SCN11A: variants seen among roughly 807,000 people sequenced by gnomAD.
SCN11A encodes the protein sodium voltage-gated channel alpha subunit 11, also known as sodium channel protein type 11 subunit alpha.
SCN11A carries 122 observed loss-of-function variants against 162.2 expected under a neutral mutation model. That is an observed-to-expected ratio of 0.75 (90% CI 0.65 to 0.87). The LOEUF is 0.87. Among genes scored for constraint, SCN11A ranks in the 40% least tolerant of loss-of-function variants. SCN11A has a pLI of 0.00. For missense variants in SCN11A, 2,015 were observed against 2,181.6 expected (o/e 0.92, Z 1.52); for synonymous variants, 758 against 751.5 (o/e 1.01, Z -0.14).
At chr3:39,000,901 G>A (rs532222359) in intron 2 of SCN11A, among the ~76,000 whole-genome samples, 2 of 152,200 alleles carry the variant, frequency 1.3e-5, no homozygotes, top group East Asian at 3.9e-4. Context: ...GCTGGGCATG[G>A]TGGTGTGCGC....
At chr3:38,889,060 T>C (rs1008539574) in intron 19 of SCN11A, among the ~76,000 whole-genome samples, 1 of 152,106 alleles carries the variant, frequency 6.6e-6, no homozygotes, top group African/African-American at 2.4e-5. Context: ...GAAAGGCACA[T>C]CAATGATATC....
chr3:38,930,785 C>A (rs932165970), intron 7 of SCN11A, among the ~76,000 whole-genome samples: 1 of 152,140 alleles, frequency 6.6e-6, no homozygotes, highest in African/African-American at 2.4e-5. Flanking sequence ...TTTTTAACAG[C>A]CTCCTCCCAC....
intron 4 of SCN11A, 109 bp from the exon 5 acceptor site, chr3:38,950,478 AAAGCTG>A: frequency 8.6e-7 from 1 of 1,164,020 alleles, no homozygotes; most frequent in Non-Finnish European, 1.2e-6. Flanking sequence ...AGGATCTACA[AAAGCTG>A]AGCTGAGGTC....
chr3:38,847,356 C>T lies in SCN11A; in HGVS notation c.4714G>A (p.Glu1572Lys). The T allele has an allele frequency of 6.2e-7, 1 of 1,614,140 alleles. No individual in the cohort carries two copies. ...GCTATGCCAGGGAGGTGGCAGTTTT[C>T]TGAGGAAGAGTTACATGATTCTTTT... The part of the protein sequence containing the change: ...RSKESCNSSS[E>K]NCHLPGIATS... Residue 1572 changes from glutamate (E) to lysine (K), a missense_variant, in exon 30 of 30, where the codon GAA becomes AAA. Transcript: ENST00000302328.
At chr3:38,880,365 T>A (rs2065289415) in intron 22 of SCN11A, among the ~76,000 whole-genome samples, 1 of 152,190 alleles carries the variant, frequency 6.6e-6, no homozygotes, top group South Asian at 2.1e-4. Context: ...AACTGCTTAT[T>A]ACTGGTCCCC....
At position 38,847,358 on chromosome 3, in the gene SCN11A, G is replaced by A. The variant is rs2126076204; in HGVS notation, c.4712C>T (p.Ser1571Leu). 2 of 1,614,186 alleles carry A rather than the reference G, an allele frequency of 1.2e-6. No homozygotes were observed. Among genetic ancestry groups the A allele is most frequent in the African/African-American group, 1.3e-5 (1 of 75,070 alleles). ...TATGCCAGGGAGGTGGCAGTTTTCT[G>A]AGGAAGAGTTACATGATTCTTTTGA... ...LRSKESCNSS[S>L]ENCHLPGIAT... is the part of the protein sequence containing the mutation. Residue 1571 changes from serine (S) to leucine (L), a missense_variant, in exon 30 of 30, where the codon TCA (serine) becomes TTA (leucine). Coordinates refer to ENST00000302328, the MANE Select transcript of SCN11A (RefSeq NM_001349253.2).
chr3:39,004,281 T>G (rs1354919571), intron 2 of SCN11A, among the ~76,000 whole-genome samples: 1 of 152,190 alleles, frequency 6.6e-6, no homozygotes, highest in Non-Finnish European at 1.5e-5. Flanking sequence ...ATAGGGAGTC[T>G]TTCTCTCAAT....
intron 28 of SCN11A, among the ~76,000 whole-genome samples, chr3:38,858,029 C>CCAAAA (rs566419027): frequency 3.3e-5 from 5 of 151,916 alleles, no homozygotes; most frequent in Admixed American, 6.6e-5. Flanking sequence ...TTGAAATACA[C>CCAAAA]CAAAACAAAA....
In SCN11A at chr3:38,987,303, T is replaced by TCACACACACA. The variant is rs57092499; in HGVS notation, c.-279-26890_-279-26881dup. Reference sequence around the variant, plus strand: ...TTCTCTCTCTCTCTCTCTCTCTCTCTCACACACACACACACACACACACAC... The same window carrying TCACACACACA: ...TTCTCTCTCTCTCTCTCTCTCTCTCTCACACACACACACACACACACACACACACACACAC... On this transcript the variant is annotated intron_variant, in intron 2 of 29. Transcript: ENST00000302328. Among the ~76,000 whole-genome samples, 269 of 104,468 alleles carry TCACACACACA rather than the reference T, an allele frequency of 2.6e-3. 1 individual carries two copies. Among genetic ancestry groups the TCACACACACA allele is most frequent in the Non-Finnish European group, 2.9e-3 (149 of 50,942 alleles). The allele number at this position is 104,468 out of a possible 152,430, so 68.5% of individuals were successfully genotyped here.
chr3:38,980,245 AT>A (rs201978613), intron 2 of SCN11A, among the ~76,000 whole-genome samples: 5 of 152,044 alleles, frequency 3.3e-5, no homozygotes, highest in South Asian at 2.1e-4. Context: ...AAAAAAAAAA[AT>A]ACCAACTCAC....
At chr3:38,967,713 A>G (rs937604790) in intron 2 of SCN11A, among the ~76,000 whole-genome samples, 2 of 152,200 alleles carry the variant, frequency 1.3e-5, no homozygotes, top group African/African-American at 2.4e-5. Context: ...TGTGGCAGGG[A>G]ATACACAAGC....
rs2065571530 is a variant in SCN11A at position 38,894,959 on chromosome 3, G to T, written c.2409C>A (p.Leu803=). 1 of 1,600,358 alleles carries T rather than the reference G, an allele frequency of 6.2e-7. No individual in the cohort carries two copies. Among genetic ancestry groups the T allele is most frequent in the African/African-American group, 1.3e-5 (1 of 74,396 alleles). ...TGAGCAGTAAGGCAATGAAGAGGTT[G>T]AGCACCTGGGAATGGGGTGGGTAGC... The part of the protein sequence containing the change: ...LITVIGKLVV[L]NLFIALLLNS... Residue 803 remains leucine, a synonymous_variant, in exon 19 of 30, where the codon CTC becomes CTA. Coordinates refer to ENST00000302328, the MANE Select transcript of SCN11A (RefSeq NM_001349253.2).
intron 7 of SCN11A, among the ~76,000 whole-genome samples, chr3:38,942,118 C>T (rs977226922): frequency 1.3e-5 from 2 of 151,730 alleles, no homozygotes; most frequent in Non-Finnish European, 2.9e-5. Flanking sequence ...GAAGACATTC[C>T]ATAATAATAA....
intron 2 of SCN11A, among the ~76,000 whole-genome samples, chr3:38,983,037 T>C (rs1302015022): frequency 6.6e-6 from 1 of 152,122 alleles, no homozygotes; most frequent in Non-Finnish European, 1.5e-5. Flanking sequence ...AATCTAACAA[T>C]GTTGAGTATG....
chr3:38,993,683 C>T (rs1021713023), intron 2 of SCN11A, among the ~76,000 whole-genome samples: 4 of 152,092 alleles, frequency 2.6e-5, no homozygotes, highest in Admixed American at 2.6e-4. Context: ...AGTCTTTTTT[C>T]ATCACTTTTC....
In SCN11A at chr3:38,872,240, G is replaced by T. The variant is rs762833274; in HGVS notation, c.3448C>A (p.Arg1150=). Residue 1150 remains arginine (R), a synonymous_variant, in exon 24 of 30, where the codon CGA becomes AGA. Transcript: ENST00000302328. ...AGCGCACGAAGAGGCCTCAGTGCTCGTAGAGTCCGGAAGGACTTCAATTCC... is the reference window on the plus strand; with the variant it reads ...AGCGCACGAAGAGGCCTCAGTGCTCTTAGAGTCCGGAAGGACTTCAATTCC... ...LMELKSFRTL[R]ALRPLRALSQ... 6.2e-7 allele frequency: 1 copy of T among 1,611,108 alleles called. No homozygotes were observed. The highest frequency in any genetic ancestry group is 1.1e-5 in the South Asian group (1 of 90,996).
At chr3:38,935,442 G>A (rs2066314913) in intron 7 of SCN11A, among the ~76,000 whole-genome samples, 1 of 152,122 alleles carries the variant, frequency 6.6e-6, no homozygotes, top group Non-Finnish European at 1.5e-5. Context: ...CCAGGAGCTG[G>A]TTTTTTGAAA....
rs573937658 is a variant in SCN11A, at chr3:38,902,787, G to C, written c.1842+1078C>G. On this transcript the variant is annotated intron_variant, in intron 16 of 29. Coordinates refer to ENST00000302328, the MANE Select transcript of SCN11A (RefSeq NM_001349253.2). ...CTGCCTCGGCCTCCCAAAGTGTTGGGATTACAGGCGTGAGCCACTGTGCTC... is the reference window on the plus strand; with the variant it reads ...CTGCCTCGGCCTCCCAAAGTGTTGGCATTACAGGCGTGAGCCACTGTGCTC... 4.0e-5 allele frequency among the ~76,000 whole-genome samples: 6 copies of C among 151,630 alleles called. No individual in the cohort carries two copies. The South Asian group carries it at 1.0e-3, about 26-fold the overall frequency.
At chr3:39,040,552 G>A (rs2032024098) in intron 1 of SCN11A, among the ~76,000 whole-genome samples, 1 of 152,168 alleles carries the variant, frequency 6.6e-6, no homozygotes, top group African/African-American at 2.4e-5. Flanking sequence ...GCTATCAGAT[G>A]CCTAAAAAGG....
Sources: gnomAD v4.1 joint callset for allele counts (sites outside exome capture counted in the v4.1 genomes callset) on GRCh38, gnomAD v4.1.1 for gene constraint, MANE v1.5 for transcripts, NCBI Gene and HGNC (gene_info 2026-07-23, HGNC 2026-07-21) for gene names.